The following RIN3 variants were observed in gnomAD, a reference collection of about 807,000 sequenced individuals.
The protein encoded by RIN3 is RAB5 interacting protein 3.
A neutral mutation model predicts 76.3 loss-of-function variants in RIN3; 54 were observed. The observed-to-expected ratio is 0.71, with a 90% CI of 0.57 to 0.89. The LOEUF (loss-of-function observed/expected upper bound fraction) is 0.89, where lower values mean the gene tolerates loss of function less well. Ranked by LOEUF, RIN3 falls within the 40% of genes least tolerant of loss-of-function variation. The pLI is 0.00. For synonymous variants in RIN3, 576 were observed against 564.0 expected (o/e 1.02, Z -0.30); for missense variants, 1,256 against 1,322.1 (o/e 0.95, Z 0.78).
chr14:92,588,171 C>A (rs1884843840), intron 3 of RIN3, among the ~76,000 whole-genome samples: 1 of 142,244 alleles, frequency 7.0e-6, no homozygotes, highest in African/African-American at 2.6e-5. Flanking sequence ...CATTAAGTTT[C>A]AACACGTGAA....
At chr14:92,592,264 C>G (rs1244257765) in intron 3 of RIN3, among the ~76,000 whole-genome samples, 2 of 151,678 alleles carry the variant, frequency 1.3e-5, no homozygotes, top group East Asian at 3.9e-4. Context: ...TTAGCTGGGC[C>G]TGGTGGTTTG....
chr14:92,611,442 A>G (rs1250994580), intron 3 of RIN3, among the ~76,000 whole-genome samples: 1 of 151,882 alleles, frequency 6.6e-6, no homozygotes, highest in African/African-American at 2.4e-5. Flanking sequence ...TTTTATTTCT[A>G]GTAGAGACAG....
Position 92,674,507 on chromosome 14 carries a change from G to A in RIN3, c.2336-1968G>A, listed in dbSNP as rs1462884587. Among the ~76,000 whole-genome samples, 19 of 152,064 alleles carry A rather than the reference G, an allele frequency of 1.2e-4. 1 individual carries two copies. The highest frequency in any genetic ancestry group is 3.9e-4 in the African/African-American group (16 of 41,396). On this transcript the variant is annotated intron_variant, in intron 7 of 9. Transcript: ENST00000216487. Reference sequence around the variant, plus strand: ...AGTCCCAGCTACTCAGGAGGCTGAGGTGGAAAGATTGCTTGAGCCCAGGAA... The same window carrying A: ...AGTCCCAGCTACTCAGGAGGCTGAGATGGAAAGATTGCTTGAGCCCAGGAA...
Position 92,659,472 on chromosome 14 carries a change from C to T in RIN3, c.2335+3C>T, listed in dbSNP as rs763441347. Reference sequence around the variant, plus strand: ...CTCCATGGCCCTCGGCAACCCAGGTCAGTGGGCAGCCGGGAGGGGTCTGGG... The same window carrying T: ...CTCCATGGCCCTCGGCAACCCAGGTTAGTGGGCAGCCGGGAGGGGTCTGGG... On this transcript the variant is annotated splice_donor_region_variant and intron_variant, in intron 7 of 9. Transcript: ENST00000216487. 6.3e-7 allele frequency: 1 copy of T among 1,592,278 alleles called. No individual in the cohort carries two copies. Among genetic ancestry groups the T allele is most frequent in the Non-Finnish European group, 8.5e-7 (1 of 1,169,656 alleles).
Position 92,651,865 on chromosome 14 carries a change from C to T in RIN3, c.816C>T (p.Thr272=). Residue 272 remains threonine (T), a synonymous_variant, in exon 6 of 10, where the codon ACC becomes ACT. Transcript: ENST00000216487. ...CCACCTCTGATGCCACCTCACCCAC[C>T]TCCAGGTGGGCCCCACGCCGCCCAC... ...LPPTSDATSP[T]SRWAPRRPPP... The T allele has an allele frequency of 6.2e-7, 1 of 1,609,118 alleles. No individual in the cohort carries two copies.
Position 92,652,273 on chromosome 14 carries a change from G to A in RIN3, c.1224G>A (p.Gly408=), listed in dbSNP as rs781331474. The change falls in exon 6 of 10, where the codon GGG becomes GGA. Residue 408 remains glycine, a synonymous_variant. Coordinates refer to ENST00000216487, the MANE Select transcript of RIN3 (RefSeq NM_024832.5). This position sits in a 1 kb window ranked among gnomAD's most constrained non-coding sequence, Gnocchi z 6.4. ...EDQSPGMAAE[G]DQLSLPPQGT... ...AAAGTCCGGGGATGGCGGCAGAGGG[G>A]GACCAGCTCAGCCTGCCTCCCCAAG... The A allele has an allele frequency of 3.0e-5, 48 of 1,611,202 alleles. 1 individual carries two copies. The South Asian group carries it at 5.2e-4, about 17-fold the overall frequency.
intron 7 of RIN3, among the ~76,000 whole-genome samples, chr14:92,672,431 T>C (rs1370919717): frequency 3.3e-5 from 5 of 151,718 alleles, no homozygotes; most frequent in African/African-American, 4.8e-5. Flanking sequence ...AAAAAGAAAA[T>C]AGAGACTGGA....
intron 4 of RIN3, among the ~76,000 whole-genome samples, chr14:92,625,111 T>C (rs1886308189): frequency 6.6e-6 from 1 of 152,184 alleles, no homozygotes; most frequent in South Asian, 2.1e-4. Context: ...AAGGAACTGA[T>C]CTTTGGTCTC....
chr14:92,655,047 C>A (rs1430386809), intron 6 of RIN3, among the ~76,000 whole-genome samples: 2 of 152,158 alleles, frequency 1.3e-5, no homozygotes, highest in Non-Finnish European at 2.9e-5. Flanking sequence ...CACCTGTAAT[C>A]CCAGCTACTC....
rs1456178382 is a variant in RIN3 at position 92,531,967 on chromosome 14, A to T, written c.44+17991A>T. Reference sequence around the variant, plus strand: ...TTTTTGAGACTGAGTCTCACTCTGTAGCCCAGGCTGGAGTGCAGTGGTGTG... The same window carrying T: ...TTTTTGAGACTGAGTCTCACTCTGTTGCCCAGGCTGGAGTGCAGTGGTGTG... On this transcript the variant is annotated intron_variant, in intron 1 of 9. Transcript: ENST00000216487. 2.0e-5 allele frequency among the ~76,000 whole-genome samples: 3 copies of T among 147,196 alleles called. No individual in the cohort carries two copies. In the East Asian group the frequency reaches 6.0e-4, roughly 29 times the overall value.
At chr14:92,621,458 G>A (rs1256189154) in intron 4 of RIN3, among the ~76,000 whole-genome samples, 5 of 152,088 alleles carry the variant, frequency 3.3e-5, no homozygotes, top group Admixed American at 1.3e-4. Context: ...TTTTAGGGAG[G>A]CATGAGACAT....
intron 5 of RIN3, among the ~76,000 whole-genome samples, chr14:92,651,222 AC>A: frequency 6.6e-6 from 1 of 151,944 alleles, no homozygotes; most frequent in Non-Finnish European, 1.5e-5. Flanking sequence ...CTGTGCTCTC[AC>A]CATGCCTTCC....
chr14:92,550,544 C>G (rs1174373128), intron 1 of RIN3, among the ~76,000 whole-genome samples: 1 of 152,120 alleles, frequency 6.6e-6, no homozygotes, highest in Admixed American at 6.6e-5. Flanking sequence ...TCCTGAGTAT[C>G]TGGGACTACA....
At chr14:92,654,187 G>GCA (rs1887576947) in intron 6 of RIN3, among the ~76,000 whole-genome samples, 1 of 151,856 alleles carries the variant, frequency 6.6e-6, no homozygotes, top group African/African-American at 2.4e-5. Flanking sequence ...GGTGGCGCAT[G>GCA]CCTATAATCC....
intron 5 of RIN3, among the ~76,000 whole-genome samples, chr14:92,647,297 T>C (rs1887236021): frequency 1.3e-5 from 2 of 152,144 alleles, no homozygotes; most frequent in Non-Finnish European, 2.9e-5. Flanking sequence ...CTATATAAGG[T>C]GTAATCTTGG....
chr14:92,514,845 ATTCC>A lies in RIN3; in HGVS notation c.44+870_44+873del, dbSNP rs2139984236. Among the ~76,000 whole-genome samples the A allele has an allele frequency of 6.6e-6, 1 of 152,300 alleles. No homozygotes were observed. Among genetic ancestry groups the A allele is most frequent in the South Asian group, 2.1e-4 (1 of 4,828 alleles). On this transcript the variant is annotated intron_variant, in intron 1 of 9. Transcript: ENST00000216487. The surrounding 1 kb of genome is among the most constrained non-coding windows in gnomAD (Gnocchi z 7.2). Reference sequence around the variant, plus strand: ...TGTAGAGACGCCCGGTCGGAGGCGGATTCCCGGGGAAAGCCTATTTCTGGGTACC... The same window carrying A: ...TGTAGAGACGCCCGGTCGGAGGCGGACGGGGAAAGCCTATTTCTGGGTACC...
In RIN3 at chr14:92,651,998, G is replaced by C; in HGVS notation, c.949G>C (p.Val317Leu). Residue 317 changes from valine (V) to leucine (L), a missense_variant, in exon 6 of 10, where the codon GTG becomes CTG. Physicochemically the swap from Val to Leu is conservative, Grantham distance 32 (BLOSUM62 1). Coordinates refer to ENST00000216487, the MANE Select transcript of RIN3 (RefSeq NM_024832.5). ...PACPLPTSPP[V>L]PAPHVTPHAP... Reference sequence around the variant, plus strand: ...CTGTCCTTTGCCCACCTCTCCCCCAGTGCCTGCCCCCCACGTCACACCCCA... The same window carrying C: ...CTGTCCTTTGCCCACCTCTCCCCCACTGCCTGCCCCCCACGTCACACCCCA... 3.3e-6 allele frequency: 4 copies of C among 1,223,302 alleles called. No individual in the cohort carries two copies. The highest frequency in any genetic ancestry group is 1.5e-5 in the South Asian group (1 of 65,678). 75.8% of individuals were successfully genotyped at this position (1,223,302 alleles called of 1,614,324 possible).
chr14:92,540,572 A>G (rs1343933994), intron 1 of RIN3, among the ~76,000 whole-genome samples: 2 of 152,080 alleles, frequency 1.3e-5, no homozygotes, highest in Non-Finnish European at 2.9e-5. Context: ...TTCCATCCCC[A>G]CGGGACCTCC....
chr14:92,557,067 C>T (rs769131608), intron 2 of RIN3, among the ~76,000 whole-genome samples: 6 of 152,186 alleles, frequency 3.9e-5, no homozygotes, highest in African/African-American at 1.2e-4. Context: ...AATCTGCCTC[C>T]GAAGTCACGT....
Sources: gnomAD v4.1 joint callset for allele counts (sites outside exome capture counted in the v4.1 genomes callset) on GRCh38, gnomAD v4.1.1 for gene constraint, Gnocchi (gnomAD v3.1) non-coding constraint, MANE v1.5 for transcripts, NCBI Gene and HGNC (gene_info 2026-07-23, HGNC 2026-07-21) for gene names.